AGBL4: variants seen among roughly 807,000 people sequenced by gnomAD.
AGBL4 encodes the protein AGBL carboxypeptidase 4.
Under a neutral mutation model 66.4 loss-of-function variants are expected in AGBL4, and 58 were observed. The observed-to-expected ratio is 0.87, with a 90% CI of 0.71 to 1.09. The LOEUF is 1.09. Ranked by LOEUF, AGBL4 falls within the 50% of genes least tolerant of loss-of-function variation. The probability of loss-of-function intolerance (pLI) is 0.00; values close to 1 mark genes in which losing one functional copy is unlikely to be tolerated. For synonymous variants in AGBL4, 234 were observed against 222.9 expected (o/e 1.05, Z -0.44); for missense variants, 579 against 631.0 (o/e 0.92, Z 0.88).
intron 3 of AGBL4, among the ~76,000 whole-genome samples, chr1:49,661,291 T>G (rs1245850928): frequency 1.3e-5 from 2 of 152,000 alleles, no homozygotes; most frequent in East Asian, 1.9e-4. Flanking sequence ...AGTCCTGTGG[T>G]TTGGATGTTT....
intron 3 of AGBL4, among the ~76,000 whole-genome samples, chr1:49,456,289 C>T (rs1353833029): frequency 6.6e-6 from 1 of 151,646 alleles, no homozygotes; most frequent in Non-Finnish European, 1.5e-5. Context: ...TTAAACAGAG[C>T]CTTGTCAGGC....
intron 3 of AGBL4, among the ~76,000 whole-genome samples, chr1:49,490,697 G>T (rs74500523): frequency 6.6e-6 from 1 of 151,574 alleles, no homozygotes; most frequent in African/African-American, 2.4e-5. Context: ...ATTCTGATTT[G>T]CTTTGCAAAC....
At chr1:49,096,894 A>G (rs1332820688) in intron 4 of AGBL4, among the ~76,000 whole-genome samples, 1 of 152,056 alleles carries the variant, frequency 6.6e-6, no homozygotes, top group Admixed American at 6.6e-5. Context: ...AGAGATTTGA[A>G]AATGCTAAGT....
intron 3 of AGBL4, among the ~76,000 whole-genome samples, chr1:49,638,339 G>A (rs923393578): frequency 2.6e-5 from 4 of 152,164 alleles, no homozygotes; most frequent in Admixed American, 2.6e-4. Context: ...TAGTGGTTCT[G>A]AGACATAAAA....
In AGBL4 at chr1:49,197,675, T is replaced by C. The variant is rs572722417; in HGVS notation, c.377+48095A>G. On this transcript the variant is annotated intron_variant, in intron 4 of 13. Transcript: ENST00000371839. ...TCCTGACCAAGGGAGCTTTTCGGGATATTCAGTAAAAAGTCACACATTGTT... is the reference window on the plus strand; with the variant it reads ...TCCTGACCAAGGGAGCTTTTCGGGACATTCAGTAAAAAGTCACACATTGTT... 2.0e-5 allele frequency among the ~76,000 whole-genome samples: 3 copies of C among 152,292 alleles called. No individual in the cohort carries two copies. The South Asian group carries it at 6.2e-4, about 32-fold the overall frequency.
intron 3 of AGBL4, among the ~76,000 whole-genome samples, chr1:49,524,235 G>A (rs1650486194): frequency 6.6e-6 from 1 of 152,070 alleles, no homozygotes; most frequent in African/African-American, 2.4e-5. Context: ...CTATGTACCA[G>A]ATTCTGTTCT....
chr1:49,284,897 G>C (rs1644367411), intron 3 of AGBL4, among the ~76,000 whole-genome samples: 1 of 150,432 alleles, frequency 6.6e-6, no homozygotes, highest in Non-Finnish European at 1.5e-5. Context: ...CCTACAAAGA[G>C]ACTTAGACTC....
chr1:49,372,623 CTTTCTTTCTT>C (rs1644377201), intron 3 of AGBL4, among the ~76,000 whole-genome samples: 1 of 86,342 alleles, frequency 1.2e-5, no homozygotes, highest in East Asian at 3.2e-4. Context: ...TTCTTTCTTT[CTTTCTTTCTT>C]TCTTTCTTTC....
intron 5 of AGBL4, among the ~76,000 whole-genome samples, chr1:48,927,753 A>G (rs1279572627): frequency 6.6e-6 from 1 of 152,192 alleles, no homozygotes; most frequent in Non-Finnish European, 1.5e-5. Context: ...CTAAGGATCC[A>G]ATCCAACTAA....
intron 11 of AGBL4, among the ~76,000 whole-genome samples, chr1:48,550,895 A>G (rs139995651): frequency 1.2e-4 from 18 of 152,296 alleles, no homozygotes; most frequent in African/African-American, 3.4e-4. Flanking sequence ...CTCAAGGGCA[A>G]TGTTGCCTAC....
chr1:49,268,467 CTA>C (rs1643980310), intron 3 of AGBL4, among the ~76,000 whole-genome samples: 1 of 150,464 alleles, frequency 6.6e-6, no homozygotes, highest in Non-Finnish European at 1.5e-5. Context: ...AGATCTCACT[CTA>C]TTGCACAGGC....
At chr1:49,773,870 G>A (rs1644128733) in intron 2 of AGBL4, among the ~76,000 whole-genome samples, 1 of 152,186 alleles carries the variant, frequency 6.6e-6, no homozygotes, top group Non-Finnish European at 1.5e-5. Flanking sequence ...CTGTTTCCCT[G>A]GGTGACAGGA....
intron 5 of AGBL4, among the ~76,000 whole-genome samples, chr1:48,938,241 T>A (rs1219778832): frequency 6.6e-6 from 1 of 152,180 alleles, no homozygotes; most frequent in Non-Finnish European, 1.5e-5. Flanking sequence ...AACTCAATCA[T>A]CTGCTCAACA....
chr1:49,650,995 G>A (rs1362139447), intron 3 of AGBL4, among the ~76,000 whole-genome samples: 2 of 152,122 alleles, frequency 1.3e-5, no homozygotes, highest in Non-Finnish European at 1.5e-5. Context: ...CAGGGCATGG[G>A]CCATCTGCCC....
intron 3 of AGBL4, among the ~76,000 whole-genome samples, chr1:49,676,698 A>G (rs1646585329): frequency 6.6e-6 from 1 of 152,118 alleles, no homozygotes; most frequent in Non-Finnish European, 1.5e-5. Flanking sequence ...TATGTCAAAG[A>G]TAGAGAATGG....
intron 3 of AGBL4, among the ~76,000 whole-genome samples, chr1:49,687,609 A>C (rs954844579): frequency 4.6e-5 from 7 of 151,870 alleles, no homozygotes; most frequent in Non-Finnish European, 8.8e-5. Context: ...TCATCTCTAC[A>C]AAAATACAAA....
chr1:48,536,960 A>G (rs547001132), intron 12 of AGBL4, among the ~76,000 whole-genome samples: 2 of 152,310 alleles, frequency 1.3e-5, no homozygotes, highest in South Asian at 4.1e-4. Flanking sequence ...CCAGTATCCA[A>G]TGATGCCGGC....
intron 9 of AGBL4, among the ~76,000 whole-genome samples, chr1:48,612,967 C>T (rs567957552): frequency 6.6e-6 from 1 of 152,236 alleles, no homozygotes; most frequent in South Asian, 2.1e-4. Flanking sequence ...AACCCCATCT[C>T]TACTAAAAAT....
intron 5 of AGBL4, among the ~76,000 whole-genome samples, chr1:49,020,415 G>T (rs1327215926): frequency 2.6e-5 from 4 of 152,200 alleles, no homozygotes; most frequent in Non-Finnish European, 5.9e-5. Flanking sequence ...ATCTGTCCAA[G>T]ATGGGTCTCA....
Sources: allele counts gnomAD v4.1 joint callset (sites outside exome capture counted in the v4.1 genomes callset), GRCh38; gene constraint gnomAD v4.1.1; transcripts MANE v1.5; gene names NCBI Gene and HGNC (gene_info 2026-07-23, HGNC 2026-07-21).